The following NBPF26 variants were observed in gnomAD, a reference collection of about 807,000 sequenced individuals.
NBPF26 encodes NBPF member 26, also known as NBPF family member NBPF26.
NBPF26 carries 79 observed loss-of-function variants against 119.6 expected under a neutral mutation model. That is an observed-to-expected ratio of 0.66 (90% CI 0.55 to 0.80). The LOEUF (loss-of-function observed/expected upper bound fraction) is 0.80. NBPF26 is among the 30% of genes least tolerant of loss of function. The probability of loss-of-function intolerance (pLI) is 0.00; values close to 1 mark genes in which losing one functional copy is unlikely to be tolerated. For synonymous variants in NBPF26, 299 were observed against 457.7 expected, an observed-to-expected ratio of 0.65 and a Z score of 4.43; for missense variants, 800 against 1,198.2, an observed-to-expected ratio of 0.67 and a Z score of 4.91.
rs1553269119 is a variant in NBPF26 at position 120,802,663 on chromosome 1, T to C, written c.752-2893T>C. Among the ~76,000 whole-genome samples, 8 of 119,238 alleles carry C rather than the reference T, an allele frequency of 6.7e-5. 1 individual carries two copies. The highest frequency in any genetic ancestry group is 9.8e-5 in the Non-Finnish European group (6 of 61,342). 78.2% of individuals were successfully genotyped at this position (119,238 alleles called of 152,430 possible). ...GCTCAGCTTACAAGAAAAGGAATCA[T>C]ACTGCTAAGAATTCAAACTTCAGCA... On this transcript the variant is annotated intron_variant, in intron 4 of 29. Transcript: ENST00000620612.
rs1329012861 is a variant in NBPF26, at chr1:120,784,532, C to A, written c.156-442C>A. On this transcript the variant is annotated intron_variant, in intron 2 of 29. Transcript: ENST00000620612. ...AAGATACCTGCATGATTACTCTCACCTTATTTAGGTCTCAACTCAAGTATT... is the reference window on the plus strand; with the variant it reads ...AAGATACCTGCATGATTACTCTCACATTATTTAGGTCTCAACTCAAGTATT... 2.6e-5 allele frequency among the ~76,000 whole-genome samples: 3 copies of A among 117,144 alleles called. 1 individual carries two copies. The highest frequency in any genetic ancestry group is 8.2e-5 in the Admixed American group (1 of 12,260). The allele number at this position is 117,144 out of a possible 152,430, so 76.9% of individuals were successfully genotyped here.
intron 4 of NBPF26, among the ~76,000 whole-genome samples, chr1:120,794,416 A>G (rs1337920850): frequency 8.7e-6 from 1 of 115,242 alleles, no homozygotes; most frequent in Admixed American, 8.4e-5. Context: ...CTGTTTTTAT[A>G]CAAATATCCT....
rs1388023858 is a variant in NBPF26, at chr1:120,806,974, C to G, written c.962-633C>G. Among the ~76,000 whole-genome samples the G allele has an allele frequency of 4.3e-5, 5 of 115,734 alleles. 1 individual carries two copies. The highest frequency in any genetic ancestry group is 8.1e-5 in the Non-Finnish European group (5 of 61,428). 75.9% of individuals were successfully genotyped at this position (115,734 alleles called of 152,430 possible). The stretch of plus-strand genomic sequence containing the variant: ...TCTGATGTTTCTAAATTAACACTAA[C>G]TAAGCTTATGCTGTTTCTAAATTAA... On this transcript the variant is annotated intron_variant, in intron 5 of 29. Coordinates refer to ENST00000620612, the Ensembl canonical transcript of NBPF26.
chr1:120,729,828 G>C lies in NBPF26; in HGVS notation c.73+5578G>C, dbSNP rs1490760644. 1.2e-4 allele frequency among the ~76,000 whole-genome samples: 14 copies of C among 112,536 alleles called. 2 individuals are homozygous for C. Among genetic ancestry groups the C allele is most frequent in the Non-Finnish European group, 1.9e-4 (11 of 59,144 alleles). 73.8% of individuals were successfully genotyped at this position (112,536 alleles called of 152,430 possible). Reference sequence around the variant, plus strand: ...AAATAGCCAGGTGATTCTTACATTAGGAAAGTTTTAGAATCACTGCAGAGT... The same window carrying C: ...AAATAGCCAGGTGATTCTTACATTACGAAAGTTTTAGAATCACTGCAGAGT... On this transcript the variant is annotated intron_variant, in intron 1 of 29. Transcript: ENST00000620612.
chr1:120,779,481 G>A (rs1651337910), intron 2 of NBPF26, among the ~76,000 whole-genome samples: 1 of 118,194 alleles, frequency 8.5e-6, no homozygotes, highest in Non-Finnish European at 1.7e-5. Context: ...AGAGAAGAGA[G>A]AGTAAGTAAA....
At chr1:120,808,348 G>A (rs1358575445) in intron 6 of NBPF26, among the ~76,000 whole-genome samples, 197 bp from the exon 7 acceptor site, 1 of 119,384 alleles carries the variant, frequency 8.4e-6, no homozygotes, top group African/African-American at 4.4e-5. Context: ...GATCTTGCAG[G>A]AGCCCTCTCT....
At chr1:120,723,947 C>G, upstream of NBPF26, 1 of 779,448 alleles carries the variant, frequency 1.3e-6, no homozygotes, top group Non-Finnish European at 1.7e-6. Context: ...AAAGTTTCAG[C>G]CAAACTTCCG....
chr1:120,759,291 G>A (rs1267492541), intron 1 of NBPF26, among the ~76,000 whole-genome samples: 2 of 20,698 alleles, frequency 9.7e-5, no homozygotes, highest in Admixed American at 9.6e-4. Context: ...TTTTTTTTTT[G>A]GTGGAGTAGA....
intron 1 of NBPF26, among the ~76,000 whole-genome samples, chr1:120,758,262 C>T (rs1651096843): frequency 8.4e-6 from 1 of 118,710 alleles, no homozygotes. Context: ...TAAGAAATGG[C>T]TTGTCCTTGG....
At chr1:120,790,535 C>CCTTTGTTT in intron 3 of NBPF26, among the ~76,000 whole-genome samples, 1 of 76,630 alleles carries the variant, frequency 1.3e-5, no homozygotes, top group Non-Finnish European at 2.3e-5. Context: ...TTTCTCCCTC[C>CCTTTGTTT]CTTTCTTTCT....
chr1:120,756,615 C>T (rs1651083195), intron 1 of NBPF26, among the ~76,000 whole-genome samples: 1 of 117,866 alleles, frequency 8.5e-6, no homozygotes, highest in African/African-American at 5.0e-5. Flanking sequence ...AAGTAAAACA[C>T]ATTGAAGGCT....
At chr1:120,765,772 T>C (rs1487246394) in intron 2 of NBPF26, among the ~76,000 whole-genome samples, 1 of 127,332 alleles carries the variant, frequency 7.9e-6, no homozygotes, top group South Asian at 2.4e-4. Context: ...AAATGTGGCA[T>C]GTATACACGA....
intron 9 of NBPF26, among the ~76,000 whole-genome samples, chr1:120,811,481 G>T (rs1651864336): frequency 8.9e-6 from 1 of 111,770 alleles, no homozygotes; most frequent in Non-Finnish European, 1.7e-5. Flanking sequence ...GGCGGCAGAG[G>T]TGGCAGTGAG....
chr1:120,818,591 G>A lies in NBPF26; in HGVS notation c.2423+417G>A, dbSNP rs1424483046. Among the ~76,000 whole-genome samples, 17 of 126,000 alleles carry A rather than the reference G, an allele frequency of 1.3e-4. 2 individuals are homozygous for A. Among genetic ancestry groups the A allele is most frequent in the Middle Eastern group, 3.7e-3 (1 of 268 alleles). 82.7% of individuals were successfully genotyped at this position (126,000 alleles called of 152,430 possible). On this transcript the variant is annotated intron_variant, in intron 15 of 29. Transcript: ENST00000620612. ...TGTGATGTTAGGGTGTCAATTTTAGGTCTTTTCTGCTTTCTCTTGTGGGCA... is the reference window on the plus strand; with the variant it reads ...TGTGATGTTAGGGTGTCAATTTTAGATCTTTTCTGCTTTCTCTTGTGGGCA...
chr1:120,793,388 G>T, exon 4 of NBPF26: 2 of 1,438,172 alleles, frequency 1.4e-6, no homozygotes, highest in Non-Finnish European at 9.3e-7. Context: ...GGGCTTCACA[G>T]GCCAGTACTG....
chr1:120,813,002 G>A (rs1651910496), intron 10 of NBPF26, among the ~76,000 whole-genome samples: 1 of 119,008 alleles, frequency 8.4e-6, no homozygotes, highest in Admixed American at 8.0e-5. Context: ...TGGTGAGAGT[G>A]AAGTCCTGCT....
In NBPF26 at chr1:120,840,437, T is replaced by C. The variant is rs1553273479; in HGVS notation, c.4191T>C (p.Phe1397=). Residue 1397 remains phenylalanine, a synonymous_variant, in exon 30 of 30, where the codon TTT becomes TTC. Transcript: ENST00000620612. ...GTTATTCGACTCCGTCAATGTACTTTGAACTACCTGACTCATTCCAGCACT... is the reference window on the plus strand; with the variant it reads ...GTTATTCGACTCCGTCAATGTACTTCGAACTACCTGACTCATTCCAGCACT... The C allele has an allele frequency of 5.4e-6, 8 of 1,474,450 alleles. 2 individuals are homozygous for C. In the African/African-American group the frequency reaches 1.2e-4, roughly 21 times the overall value. The allele number at this position is 1,474,450 out of a possible 1,614,324, so 91.3% of individuals were successfully genotyped here.
intron 1 of NBPF26, among the ~76,000 whole-genome samples, chr1:120,759,929 C>T (rs1651115726): frequency 9.9e-6 from 1 of 101,420 alleles, no homozygotes; most frequent in South Asian, 2.8e-4. Context: ...CAAAAAAATT[C>T]TTCTTGTGTA....
chr1:120,764,017 GT>G lies in NBPF26; in HGVS notation c.155+310del, dbSNP rs1161768723. ...TAATCCCAGCACTTCAGGAGGCTGAGTTGGGCGAATCACGAGGTCAGGAGTT... is the reference window on the plus strand; with the variant it reads ...TAATCCCAGCACTTCAGGAGGCTGAGTGGGCGAATCACGAGGTCAGGAGTT... On this transcript the variant is annotated intron_variant, in intron 2 of 29. Transcript: ENST00000620612. Among the ~76,000 whole-genome samples the G allele has an allele frequency of 2.1e-4, 24 of 115,102 alleles. 5 individuals carry two copies. The highest frequency in any genetic ancestry group is 3.5e-4 in the Non-Finnish European group (21 of 60,048). The allele number at this position is 115,102 out of a possible 152,430, so 75.5% of individuals were successfully genotyped here. A position where few individuals can be genotyped will look rare whatever the true frequency, so the allele number is the denominator to read the frequency against.
Sources: allele counts gnomAD v4.1 joint callset (sites outside exome capture counted in the v4.1 genomes callset), GRCh38; gene constraint gnomAD v4.1.1; transcripts MANE v1.5; gene names NCBI Gene and HGNC (gene_info 2026-07-23, HGNC 2026-07-21).